HTRA1: variants seen among roughly 807,000 people sequenced by gnomAD.
HTRA1 encodes serine protease HTRA1.
HTRA1 carries 26 observed loss-of-function variants against 49.7 expected under a neutral mutation model. The observed-to-expected ratio is 0.52, with a 90% CI of 0.38 to 0.73. HTRA1 has a LOEUF of 0.73. Among genes scored for constraint, HTRA1 ranks in the 30% least tolerant of loss-of-function variants. The pLI, the probability that HTRA1 is intolerant of heterozygous loss-of-function variation, is 0.00. For synonymous variants in HTRA1, 291 were observed against 286.9 expected, an observed-to-expected ratio of 1.01 and a Z score of -0.14; for missense variants, 561 against 667.2, an observed-to-expected ratio of 0.84 and a Z score of 1.75.
At chr10:122,470,253 G>C (rs903396658) in intron 1 of HTRA1, among the ~76,000 whole-genome samples, 1 of 152,152 alleles carries the variant, frequency 6.6e-6, no homozygotes, top group Non-Finnish European at 1.5e-5. Flanking sequence ...CTGGGTCCTA[G>C]CCCCATTTGG....
chr10:122,468,448 A>G (rs940237950), intron 1 of HTRA1, among the ~76,000 whole-genome samples: 1 of 145,406 alleles, frequency 6.9e-6, no homozygotes, highest in Admixed American at 6.9e-5. Context: ...ATCATCTTCA[A>G]GGCACTGACA....
chr10:122,509,501 G>A (rs975808980), intron 6 of HTRA1, among the ~76,000 whole-genome samples: 2 of 152,208 alleles, frequency 1.3e-5, no homozygotes, highest in African/African-American at 4.8e-5. Flanking sequence ...CCCTGAAGTG[G>A]CCTGAGGGCC....
chr10:122,509,931 G>C (rs895109965), intron 6 of HTRA1, among the ~76,000 whole-genome samples, 165 bp from the exon 7 acceptor site: 1 of 152,154 alleles, frequency 6.6e-6, no homozygotes, highest in Admixed American at 6.5e-5. Flanking sequence ...ACTTTCCCAA[G>C]GTCCCCCAGA....
Position 122,461,579 on chromosome 10 carries a change from T to A in HTRA1, c.-74T>A. The A allele has an allele frequency of 1.1e-6, 1 of 952,216 alleles. No homozygotes were observed. Among genetic ancestry groups the A allele is most frequent in the Non-Finnish European group, 1.4e-6 (1 of 706,004 alleles). The allele number at this position is 952,216 out of a possible 1,614,324, so 59.0% of individuals were successfully genotyped here. A position where few individuals can be genotyped will look rare whatever the true frequency, so the allele number is the denominator to read the frequency against. On this transcript the variant is annotated 5_prime_UTR_variant, in exon 1 of 9. Coordinates refer to ENST00000368984, the MANE Select transcript of HTRA1 (RefSeq NM_002775.5). ...CTCGCACCCGCTGCCCCCGAGGCCC[T>A]CCTGCACTCTCCCCGGCGCCGCTCT...
intron 7 of HTRA1, among the ~76,000 whole-genome samples, chr10:122,511,685 A>T (rs982973486): frequency 6.6e-6 from 1 of 151,760 alleles, no homozygotes; most frequent in Admixed American, 6.6e-5. Flanking sequence ...GTGAACTGAG[A>T]TCGTACCACT....
intron 1 of HTRA1, among the ~76,000 whole-genome samples, chr10:122,468,957 A>G (rs554981269): frequency 6.6e-6 from 1 of 152,312 alleles, no homozygotes; most frequent in Non-Finnish European, 1.5e-5. Flanking sequence ...TCCAGGACAA[A>G]TTGTCGAATA....
At position 122,463,017 on chromosome 10, in the gene HTRA1, A is replaced by G. The variant is rs76222657; in HGVS notation, c.472+893A>G. Reference sequence around the variant, plus strand: ...TCTTCAGGCAGAGGCCATGTGGAAAAATAATATCGAGTTCAGCAGCGGCCA... The same window carrying G: ...TCTTCAGGCAGAGGCCATGTGGAAAGATAATATCGAGTTCAGCAGCGGCCA... On this transcript the variant is annotated intron_variant, in intron 1 of 8. Coordinates refer to ENST00000368984, the MANE Select transcript of HTRA1 (RefSeq NM_002775.5). Among the ~76,000 whole-genome samples, 1,795 of 152,334 alleles carry G rather than the reference A, an allele frequency of 0.012. 90 individuals carry two copies. In the East Asian group the frequency reaches 0.17, roughly 14 times the overall value.
intron 3 of HTRA1, among the ~76,000 whole-genome samples, chr10:122,497,971 G>A (rs936248017): frequency 6.6e-6 from 1 of 152,172 alleles, no homozygotes; most frequent in Admixed American, 6.5e-5. Flanking sequence ...GTCATTAGCT[G>A]TCGGGCCCCC....
At chr10:122,489,214 T>C (rs1457288098) in intron 2 of HTRA1, among the ~76,000 whole-genome samples, 2 of 152,232 alleles carry the variant, frequency 1.3e-5, no homozygotes, top group African/African-American at 4.8e-5. Flanking sequence ...CCTCGGGCTC[T>C]GAAGAGATTC....
chr10:122,501,574 C>T (rs1205182247), intron 3 of HTRA1, among the ~76,000 whole-genome samples: 3 of 152,148 alleles, frequency 2.0e-5, no homozygotes, highest in African/African-American at 7.2e-5. Flanking sequence ...GTTTTAGTTC[C>T]AACCCTGACC....
chr10:122,462,018 C>T lies in HTRA1; in HGVS notation c.366C>T (p.Asp122=). The change falls in exon 1 of 9, where the codon GAC becomes GAT. Residue 122 remains aspartate, a synonymous_variant. Coordinates refer to ENST00000368984, the MANE Select transcript of HTRA1 (RefSeq NM_002775.5). ...GCAGCGAGCCGGTGTGCGGCAGCGA[C>T]GCCAACACCTACGCCAACCTGTGCC... ...CASSEPVCGS[D]ANTYANLCQL... is the part of the protein sequence containing the mutation. The T allele has an allele frequency of 6.5e-7, 1 of 1,531,306 alleles. No individual in the cohort carries two copies. The highest frequency in any genetic ancestry group is 8.7e-7 in the Non-Finnish European group (1 of 1,145,458). 94.9% of individuals were successfully genotyped at this position (1,531,306 alleles called of 1,614,324 possible).
chr10:122,487,446 G>A lies in HTRA1; in HGVS notation c.473-1456G>A, dbSNP rs761689406. ...CAGGACCCTGAATCTCTAGCAGTCC[G>A]TTTCTGAATCAGTTACCTTGGGTAT... On this transcript the variant is annotated intron_variant, in intron 1 of 8. Transcript: ENST00000368984. This position sits in a 1 kb window ranked among gnomAD's most constrained non-coding sequence, Gnocchi z 4.8. Among the ~76,000 whole-genome samples, 6 of 152,214 alleles carry A rather than the reference G, an allele frequency of 3.9e-5. No homozygotes were observed. The highest frequency in any genetic ancestry group is 1.2e-4 in the African/African-American group (5 of 41,450).
intron 3 of HTRA1, among the ~76,000 whole-genome samples, chr10:122,496,370 A>G (rs1325090339): frequency 6.6e-6 from 1 of 151,360 alleles, no homozygotes; most frequent in Admixed American, 6.6e-5. Flanking sequence ...GCTATTTGGC[A>G]ATTATCCAAT....
chr10:122,471,925 T>C (rs1430231999), intron 1 of HTRA1, among the ~76,000 whole-genome samples: 1 of 152,144 alleles, frequency 6.6e-6, no homozygotes, highest in Non-Finnish European at 1.5e-5. Flanking sequence ...TCTCCCTACT[T>C]CTCCCTAAAA....
chr10:122,461,828 G>A lies in HTRA1; in HGVS notation c.176G>A (p.Arg59Gln). The A allele has an allele frequency of 9.0e-7, 1 of 1,113,298 alleles. No homozygotes were observed. The highest frequency in any genetic ancestry group is 1.1e-6 in the Non-Finnish European group (1 of 915,180). 69.0% of individuals were successfully genotyped at this position (1,113,298 alleles called of 1,614,324 possible). Residue 59 changes from arginine to glutamine, a missense_variant, in exon 1 of 9, where the codon CGG becomes CAG. Physicochemically the swap from Arg to Gln is conservative, Grantham distance 43 (BLOSUM62 1). This residue lies in a region of HTRA1 where 111 missense variants were observed against 83.7 expected (regional missense o/e 1.33). Transcript: ENST00000368984. ...GAGCACTGCGAGGGCGGCCGGGCCCGGGACGCGTGCGGCTGCTGCGAGGTG... is the reference window on the plus strand; with the variant it reads ...GAGCACTGCGAGGGCGGCCGGGCCCAGGACGCGTGCGGCTGCTGCGAGGTG... ...QPEHCEGGRARDACGCCEVCG... is the reference protein window; with the variant it reads ...QPEHCEGGRAQDACGCCEVCG...
At chr10:122,474,758 GA>G (rs890134659) in intron 1 of HTRA1, among the ~76,000 whole-genome samples, 17 of 151,264 alleles carry the variant, frequency 1.1e-4, no homozygotes, top group Middle Eastern at 3.4e-3. Flanking sequence ...GGAGGCATCT[GA>G]AAAAAAAAAT....
intron 1 of HTRA1, among the ~76,000 whole-genome samples, chr10:122,477,016 G>C (rs1426201916): frequency 6.9e-6 from 1 of 145,366 alleles, no homozygotes; most frequent in Non-Finnish European, 1.5e-5. Flanking sequence ...CACCCAGGCT[G>C]GAGTGCACTG....
chr10:122,511,732 C>CAA (rs56119820), intron 7 of HTRA1, among the ~76,000 whole-genome samples: 2 of 133,884 alleles, frequency 1.5e-5, no homozygotes, highest in African/African-American at 5.4e-5. Flanking sequence ...GACTCTGTCT[C>CAA]AAAAAAAAAA....
intron 1 of HTRA1, among the ~76,000 whole-genome samples, chr10:122,478,681 T>TG (rs5788560): frequency 0.8 from 121,276 of 151,846 alleles, 48,555 homozygotes; most frequent in East Asian, 0.86. Flanking sequence ...CTTGAGCCAC[T>TG]CGCCCGGCTG....
Sources: allele counts gnomAD v4.1 joint callset (sites outside exome capture counted in the v4.1 genomes callset), GRCh38; gene constraint gnomAD v4.1.1; regional missense constraint gnomAD v4.1.1; non-coding constraint Gnocchi (gnomAD v3.1); transcripts MANE v1.5; gene names NCBI Gene and HGNC (gene_info 2026-07-23, HGNC 2026-07-21).